Variants in PTPRD observed in about 807,000 individuals in gnomAD.
The protein encoded by PTPRD is receptor-type tyrosine-protein phosphatase delta.
A neutral mutation model predicts 214.5 loss-of-function variants in PTPRD; 34 were observed. The ratio of observed to expected loss-of-function variants is 0.16; its 90% CI spans 0.12 to 0.21. PTPRD has a LOEUF of 0.21. Ranked by LOEUF, PTPRD falls within the 10% of genes least tolerant of loss-of-function variation. PTPRD has a pLI of 1.00. For missense variants in PTPRD, 2,545 were observed against 2,398.7 expected (o/e 1.06, Z -1.27); for synonymous variants, 1,128 against 845.7 (o/e 1.33, Z -5.79).
At chr9:9,914,954 T>C (rs745709997) in intron 5 of PTPRD, among the ~76,000 whole-genome samples, 1 of 152,162 alleles carries the variant, frequency 6.6e-6, no homozygotes, top group Non-Finnish European at 1.5e-5. Context: ...AACATCCCTG[T>C]AGCCCCAAAC....
chr9:9,886,958 C>T (rs943978004), intron 5 of PTPRD, among the ~76,000 whole-genome samples: 4 of 152,122 alleles, frequency 2.6e-5, no homozygotes, highest in Non-Finnish European at 4.4e-5. Context: ...CTTGCATCCA[C>T]ACCACTGTCC....
intron 2 of PTPRD, among the ~76,000 whole-genome samples, chr9:10,556,850 A>G (rs12380636): frequency 2.0e-4 from 31 of 152,170 alleles, no homozygotes; most frequent in Admixed American, 3.9e-4. Flanking sequence ...AGCAACAGAT[A>G]GTGATTTGCT....
At chr9:8,856,502 C>T (rs2097917984) in intron 11 of PTPRD, among the ~76,000 whole-genome samples, 1 of 152,178 alleles carries the variant, frequency 6.6e-6, no homozygotes. Flanking sequence ...GTGAGCTACA[C>T]TCTGTTAAGT....
At chr9:8,662,758 T>G (rs1162609943) in intron 12 of PTPRD, among the ~76,000 whole-genome samples, 2 of 152,222 alleles carry the variant, frequency 1.3e-5, no homozygotes, top group Non-Finnish European at 2.9e-5. Flanking sequence ...CTCAAACTTT[T>G]ATCCCGTACT....
At chr9:8,959,755 G>A (rs1179728906) in intron 11 of PTPRD, among the ~76,000 whole-genome samples, 5 of 151,978 alleles carry the variant, frequency 3.3e-5, no homozygotes, top group African/African-American at 1.2e-4. Flanking sequence ...TAAGCCAGAT[G>A]GATAAAGTTT....
intron 11 of PTPRD, among the ~76,000 whole-genome samples, chr9:8,942,853 G>T (rs1427965735): frequency 6.6e-6 from 1 of 151,986 alleles, no homozygotes; most frequent in African/African-American, 2.4e-5. Flanking sequence ...ATCCTTGTTT[G>T]CAGATGGTAT....
intron 2 of PTPRD, among the ~76,000 whole-genome samples, chr9:10,521,851 C>A (rs187433218): frequency 6.6e-6 from 1 of 152,074 alleles, no homozygotes; most frequent in East Asian, 1.9e-4. Context: ...TAATAGGCTA[C>A]AGTATAGTTT....
rs550320472 is a variant in PTPRD, at chr9:8,878,485, T to C, written c.-104+140212A>G. On this transcript the variant is annotated intron_variant, in intron 11 of 45. Transcript: ENST00000381196. ...GAAAAGAGAAGTGCTCTGTTGATTA[T>C]TATCAACAGAAGTGCTCTGATTCTT... 2.6e-5 allele frequency among the ~76,000 whole-genome samples: 4 copies of C among 152,084 alleles called. No homozygotes were observed. The East Asian group carries it at 7.7e-4, about 29-fold the overall frequency.
intron 3 of PTPRD, among the ~76,000 whole-genome samples, chr9:10,141,555 G>C (rs2098985227): frequency 6.6e-6 from 1 of 152,018 alleles, no homozygotes. Context: ...GGATGTGAAG[G>C]ACCTCTCCAA....
intron 10 of PTPRD, among the ~76,000 whole-genome samples, chr9:9,084,319 G>C (rs562820718): frequency 6.6e-6 from 1 of 152,060 alleles, no homozygotes; most frequent in Non-Finnish European, 1.5e-5. Context: ...ACCAAACACC[G>C]CATGTTCTCA....
At chr9:10,254,778 T>A (rs2093104863) in intron 3 of PTPRD, among the ~76,000 whole-genome samples, 1 of 152,160 alleles carries the variant, frequency 6.6e-6, no homozygotes, top group Non-Finnish European at 1.5e-5. Context: ...GACTCAAATG[T>A]GGACAGAATT....
At chr9:10,197,416 C>T (rs1202014063) in intron 3 of PTPRD, among the ~76,000 whole-genome samples, 3 of 152,084 alleles carry the variant, frequency 2.0e-5, no homozygotes, top group Non-Finnish European at 4.4e-5. Context: ...GAATTGCTTT[C>T]CTTTCTCTTA....
chr9:8,662,677 C>A (rs2097088052), intron 12 of PTPRD, among the ~76,000 whole-genome samples: 1 of 152,212 alleles, frequency 6.6e-6, no homozygotes, highest in African/African-American at 2.4e-5. Context: ...ATACTCCCTA[C>A]TGCCTTTCCC....
intron 3 of PTPRD, among the ~76,000 whole-genome samples, chr9:10,053,087 A>G (rs553056730): frequency 8.5e-5 from 13 of 152,282 alleles, no homozygotes; most frequent in African/African-American, 3.1e-4. Context: ...TAGATAAGGC[A>G]AATGTTTTGC....
chr9:8,666,208 TCAA>T (rs1247857979), intron 12 of PTPRD, among the ~76,000 whole-genome samples: 2 of 152,186 alleles, frequency 1.3e-5, no homozygotes, highest in African/African-American at 4.8e-5. Flanking sequence ...TAGAAAAGTG[TCAA>T]CATTTGAGCA....
Position 10,231,981 on chromosome 9 carries a change from AGAGAGAGAGTGTGTGT to A in PTPRD, c.-545+108966_-545+108981del, listed in dbSNP as rs1483953789. ...TAGAGAGAGAGAGAGAGAGAGAGAG[AGAGAGAGAGTGTGTGT>A]GTGTGTGTGTGTGTGTGTGTGTGTG... On this transcript the variant is annotated intron_variant, in intron 3 of 45. Coordinates refer to ENST00000381196, the MANE Select transcript of PTPRD (RefSeq NM_002839.4). 6.6e-4 allele frequency among the ~76,000 whole-genome samples: 68 copies of A among 102,476 alleles called. 1 individual carries two copies. In the Admixed American group the frequency reaches 6.7e-3, roughly 10 times the overall value. 67.2% of individuals were successfully genotyped at this position (102,476 alleles called of 152,430 possible).
intron 10 of PTPRD, among the ~76,000 whole-genome samples, chr9:9,097,326 A>T (rs567470830): frequency 6.6e-6 from 1 of 152,056 alleles, no homozygotes; most frequent in East Asian, 1.9e-4. Context: ...GGGGTACTAA[A>T]CCTCATACTC....
At chr9:9,988,777 T>G (rs1276942367) in intron 4 of PTPRD, among the ~76,000 whole-genome samples, 1 of 152,022 alleles carries the variant, frequency 6.6e-6, no homozygotes, top group Non-Finnish European at 1.5e-5. Flanking sequence ...GATACATACA[T>G]TTATTTTCTT....
intron 3 of PTPRD, among the ~76,000 whole-genome samples, chr9:10,086,272 T>TA (rs1348789411): frequency 6.6e-6 from 1 of 151,738 alleles, no homozygotes; most frequent in Non-Finnish European, 1.5e-5. Flanking sequence ...AAAAATAGTA[T>TA]ACGACTGATC....
Sources: gnomAD v4.1 joint callset for allele counts (sites outside exome capture counted in the v4.1 genomes callset) on GRCh38, gnomAD v4.1.1 for gene constraint, MANE v1.5 for transcripts, NCBI Gene and HGNC (gene_info 2026-07-23, HGNC 2026-07-21) for gene names.